Variants in ULK4 observed in about 807,000 individuals in gnomAD.
ULK4 encodes unc-51 like kinase 4.
Under a neutral mutation model 160.6 loss-of-function variants are expected in ULK4, and 133 were observed. The ratio of observed to expected loss-of-function variants is 0.83; its 90% CI spans 0.72 to 0.96. ULK4 has a LOEUF of 0.96. ULK4 is among the 40% of genes least tolerant of loss of function. The probability of loss-of-function intolerance (pLI) is 0.00; values close to 1 mark genes in which losing one functional copy is unlikely to be tolerated. For missense variants in ULK4, 1,580 were observed against 1,499.5 expected (o/e 1.05, Z -0.89); for synonymous variants, 534 against 539.8 (o/e 0.99, Z 0.15).
chr3:41,791,940 G>A (rs17281609), intron 20 of ULK4, among the ~76,000 whole-genome samples: 18,870 of 152,060 alleles, frequency 0.12, 1,371 homozygotes, highest in Middle Eastern at 0.27. Context: ...ATATACCAGG[G>A]ATTTTTATTC....
At chr3:41,781,336 GA>G (rs1167707038) in intron 21 of ULK4, among the ~76,000 whole-genome samples, 1 of 151,144 alleles carries the variant, frequency 6.6e-6, no homozygotes, top group East Asian at 2.0e-4. Context: ...AGAATGGCGT[GA>G]ACCCAGGAGG....
At chr3:41,297,574 C>T (rs915589892) in intron 35 of ULK4, among the ~76,000 whole-genome samples, 1 of 152,298 alleles carries the variant, frequency 6.6e-6, no homozygotes, top group South Asian at 2.1e-4. Context: ...ACACAGATTT[C>T]CAGGTGCCTC....
At chr3:41,497,522 G>A (rs4973958) in intron 32 of ULK4, among the ~76,000 whole-genome samples, 126,176 of 152,038 alleles carry the variant, frequency 0.83, 53,951 homozygotes, top group Non-Finnish European at 0.94. Context: ...AAAACAAAAT[G>A]TATTCTTGCA....
At chr3:41,952,742 T>C (rs1480231520) in intron 2 of ULK4, among the ~76,000 whole-genome samples, 1 of 152,144 alleles carries the variant, frequency 6.6e-6, no homozygotes, top group Non-Finnish European at 1.5e-5. Context: ...AAGCAAGATC[T>C]CAAAGAGATA....
intron 31 of ULK4, among the ~76,000 whole-genome samples, chr3:41,572,620 G>T (rs1034327220): frequency 3.3e-5 from 5 of 151,274 alleles, no homozygotes; most frequent in Non-Finnish European, 7.4e-5. Context: ...AAAAAAATTG[G>T]CCCGTCATGG....
chr3:41,294,631 G>A (rs764850974), intron 35 of ULK4, among the ~76,000 whole-genome samples: 2 of 152,030 alleles, frequency 1.3e-5, no homozygotes, highest in African/African-American at 2.4e-5. Context: ...TCCCCCTTTT[G>A]TCCAAACACA....
At chr3:41,384,351 A>T (rs2081748264) in intron 35 of ULK4, among the ~76,000 whole-genome samples, 2 of 152,194 alleles carry the variant, frequency 1.3e-5, no homozygotes, top group Non-Finnish European at 2.9e-5. Context: ...AAAAGAGACA[A>T]GGAAATAATA....
rs201675329 is a variant in ULK4 at position 41,463,103 on chromosome 3, A to G, written c.3377T>C (p.Val1126Ala). 2,843 of 1,613,578 alleles carry G rather than the reference A, an allele frequency of 1.8e-3. 4 individuals are homozygous for G. The highest frequency in any genetic ancestry group is 2.2e-3 in the Non-Finnish European group (2,565 of 1,179,626). Reference sequence around the variant, plus strand: ...ATCCTCTACCTGCAAAGCCAGCCGTACAATACCGGAGGTATAGGTCAGCAT... The same window carrying G: ...ATCCTCTACCTGCAAAGCCAGCCGTGCAATACCGGAGGTATAGGTCAGCAT... Reference protein sequence around the residue: ...HSMLTYTSGIVRLALQAQKSG... With the variant: ...HSMLTYTSGIARLALQAQKSG... Residue 1126 changes from valine to alanine, a missense_variant, in exon 33 of 37, where the codon GTA (valine) becomes GCA (alanine). Transcript: ENST00000301831.
chr3:41,655,003 A>C (rs1037806026), intron 30 of ULK4, among the ~76,000 whole-genome samples: 12 of 152,118 alleles, frequency 7.9e-5, no homozygotes, highest in Non-Finnish European at 1.5e-4. Flanking sequence ...ATTTCTGAAG[A>C]AATCAGTTCA....
intron 5 of ULK4, among the ~76,000 whole-genome samples, chr3:41,931,470 T>TAAATTA (rs55969147): frequency 2.0e-4 from 26 of 126,992 alleles, no homozygotes; most frequent in East Asian, 1.1e-3. Flanking sequence ...CCCTAGAACT[T>TAAATTA]AAAAAAAAAA....
intron 2 of ULK4, among the ~76,000 whole-genome samples, chr3:41,948,546 A>G (rs1175619405): frequency 6.6e-6 from 1 of 152,170 alleles, no homozygotes; most frequent in Non-Finnish European, 1.5e-5. Flanking sequence ...ATGCAAGCAA[A>G]TTGAATTCAG....
At chr3:41,305,215 GTCTCCC>G (rs1215649949) in intron 35 of ULK4, among the ~76,000 whole-genome samples, 1 of 150,118 alleles carries the variant, frequency 6.7e-6, no homozygotes. Flanking sequence ...TCTCCCCACG[GTCTCCC>G]TCTCCCTCTC....
At chr3:41,612,404 G>A (rs28552856) in intron 31 of ULK4, among the ~76,000 whole-genome samples, 4 of 151,788 alleles carry the variant, frequency 2.6e-5, no homozygotes, top group Non-Finnish European at 5.9e-5. Context: ...CAGCTTTCCA[G>A]ACCTACCTTC....
At chr3:41,511,228 A>G (rs973348709) in intron 32 of ULK4, among the ~76,000 whole-genome samples, 8 of 152,062 alleles carry the variant, frequency 5.3e-5, no homozygotes, top group African/African-American at 1.7e-4. Context: ...ACACCTCACG[A>G]AACTAGAGAA....
At chr3:41,730,240 AAAC>A (rs1418843129) in intron 22 of ULK4, among the ~76,000 whole-genome samples, 2 of 152,308 alleles carry the variant, frequency 1.3e-5, no homozygotes, top group East Asian at 1.9e-4. Context: ...GGAACTAGAA[AAAC>A]AACAAGAAAC....
At chr3:41,794,776 T>C (rs780325988) in intron 20 of ULK4, among the ~76,000 whole-genome samples, 6 of 141,276 alleles carry the variant, frequency 4.2e-5, no homozygotes, top group Non-Finnish European at 7.6e-5. Flanking sequence ...GTCAGGGAGG[T>C]CCTAATTGAG....
chr3:41,832,700 T>C (rs2041630599), intron 18 of ULK4, among the ~76,000 whole-genome samples: 1 of 152,340 alleles, frequency 6.6e-6, no homozygotes, highest in South Asian at 2.1e-4. Flanking sequence ...TTAATCCATC[T>C]TGAGTTAATT....
intron 22 of ULK4, among the ~76,000 whole-genome samples, chr3:41,736,438 G>C (rs2038052204): frequency 6.6e-6 from 1 of 151,894 alleles, no homozygotes; most frequent in African/African-American, 2.4e-5. Flanking sequence ...TTCTCTGATG[G>C]CCAGTGATGA....
chr3:41,721,300 AGTAT>A (rs1360164380), intron 22 of ULK4, among the ~76,000 whole-genome samples: 1 of 81,762 alleles, frequency 1.2e-5, no homozygotes, highest in African/African-American at 4.9e-5. Flanking sequence ...TTGAACCATG[AGTAT>A]GTGTTACCTA....
Sources: allele counts gnomAD v4.1 joint callset (sites outside exome capture counted in the v4.1 genomes callset), GRCh38; gene constraint gnomAD v4.1.1; transcripts MANE v1.5; gene names NCBI Gene and HGNC (gene_info 2026-07-23, HGNC 2026-07-21).